The following RNPS1 variants were observed in gnomAD, a reference collection of about 807,000 sequenced individuals.
The protein encoded by RNPS1 is RNA-binding protein with serine-rich domain 1.
For missense variants in RNPS1, 300 were observed against 427.6 expected, an observed-to-expected ratio of 0.70 and a Z score of 2.63; for synonymous variants, 147 against 150.0, an observed-to-expected ratio of 0.98 and a Z score of 0.15.
chr16:2,264,876 G>GT (rs2093618788), intron 1 of RNPS1, 116 bp from the exon 2 acceptor site: 1 of 783,872 alleles, frequency 1.3e-6, no homozygotes, highest in Non-Finnish European at 1.9e-6. Context: ...TAAGCAATAA[G>GT]TGTCCACACA....
At chr16:2,264,929 G>A (rs1009857463) in intron 1 of RNPS1, 169 bp from the exon 2 acceptor site, 18 of 383,786 alleles carry the variant, frequency 4.7e-5, no homozygotes, top group East Asian at 1.0e-4. Flanking sequence ...TCCTGGAGGC[G>A]TCTCTACCCC....
Position 2,263,139 on chromosome 16 carries a change from G to C in RNPS1, c.376C>G (p.Pro126Ala). Residue 126 changes from proline to alanine, a missense_variant, in exon 4 of 8, where the codon CCT (proline) becomes GCT (alanine). By Grantham distance (27) the Pro-to-Ala change is conservative. Transcript: ENST00000320225. ...SSSSSSGSPS[P>A]SRRRHDNRRR... ...CTGTTGTCGTGTCTGCGCCGAGAAG[G>C]ACTTGGAGAGCCAGAAGAGCTGCTA... is the stretch of plus-strand genomic sequence containing the variant. 1.9e-6 allele frequency: 3 copies of C among 1,613,564 alleles called. No homozygotes were observed. Among genetic ancestry groups the C allele is most frequent in the Non-Finnish European group, 1.7e-6 (2 of 1,179,850 alleles).
rs2093605402 is a variant in RNPS1 at position 2,262,117 on chromosome 16, A to G, written c.676+161T>C. On this transcript the variant is annotated intron_variant, in intron 6 of 7. Coordinates refer to ENST00000320225, the MANE Select transcript of RNPS1 (RefSeq NM_080594.4). The stretch of plus-strand genomic sequence containing the variant: ...TGGGCCATGAGAAATAGCAGCCCAA[A>G]CCTCAGTTTGGTCCAGGAACTGCAC... 1.5e-5 allele frequency: 9 copies of G among 587,488 alleles called. No individual in the cohort carries two copies. The South Asian group carries it at 2.6e-4, about 17-fold the overall frequency. The allele number at this position is 587,488 out of a possible 1,614,324, so 36.4% of individuals were successfully genotyped here. A position where few individuals can be genotyped will look rare whatever the true frequency, so the allele number is the denominator to read the frequency against.
chr16:2,257,195 C>T (rs927501966), intron 6 of RNPS1: 1 of 152,172 alleles, frequency 6.6e-6, no homozygotes, highest in Non-Finnish European at 1.5e-5. Context: ...GGAGCATGCA[C>T]CCCGACCTCA....
Position 2,255,665 on chromosome 16 carries a change from G to T in RNPS1, c.738C>A (p.Pro246=). 1 of 1,613,386 alleles carries T rather than the reference G, an allele frequency of 6.2e-7. No individual in the cohort carries two copies. The highest frequency in any genetic ancestry group is 1.7e-4 in the Middle Eastern group (1 of 6,028). ...TAVLAPWPRP[P]PRRFSPPRRM... ...TCCTGGGAGGGCTGAATCTCCTGGG[G>T]GGTGGCCTAGGCCAGGGGGCCAGCA... The change falls in exon 7 of 8, where the codon CCC becomes CCA. Residue 246 remains proline (P), a synonymous_variant. Coordinates refer to ENST00000320225, the MANE Select transcript of RNPS1 (RefSeq NM_080594.4).
At chr16:2,266,727 T>A in intron 1 of RNPS1, 11 of 985,218 alleles carry the variant, frequency 1.1e-5, no homozygotes, top group Non-Finnish European at 1.3e-5. Context: ...AGAAACCGTG[T>A]GAGGAGCCAC....
intron 6 of RNPS1, chr16:2,257,593 C>G (rs2093584585): frequency 6.6e-6 from 1 of 152,142 alleles, no homozygotes; most frequent in Non-Finnish European, 1.5e-5. Flanking sequence ...CACGCCCACC[C>G]AGAAGGTACC....
intron 7 of RNPS1, among the ~76,000 whole-genome samples, chr16:2,254,671 T>G (rs1427401021): frequency 6.6e-6 from 1 of 151,726 alleles, no homozygotes; most frequent in Admixed American, 6.6e-5. Flanking sequence ...GACCTTGTGA[T>G]CCACCCACCT....
chr16:2,255,446 T>A, intron 7 of RNPS1, 139 bp downstream of exon 7: 1 of 984,096 alleles, frequency 1.0e-6, no homozygotes, highest in Non-Finnish European at 1.5e-6. Context: ...GCTCTCTCCA[T>A]GAGCTCTGAA....
At chr16:2,257,078 T>C (rs527553941) in intron 6 of RNPS1, 6 of 152,204 alleles carry the variant, frequency 3.9e-5, no homozygotes, top group East Asian at 1.9e-4. Flanking sequence ...TGCATGTAGA[T>C]GGCACTGAAA....
chr16:2,254,904 G>A (rs2093570713), intron 7 of RNPS1, among the ~76,000 whole-genome samples: 1 of 151,354 alleles, frequency 6.6e-6, no homozygotes, highest in Non-Finnish European at 1.5e-5. Flanking sequence ...ACCACGCCCG[G>A]CTAATTTTTT....
At chr16:2,255,960 C>T (rs1027086339) in intron 6 of RNPS1, 8 of 511,142 alleles carry the variant, frequency 1.6e-5, no homozygotes, top group Non-Finnish European at 2.8e-5. Flanking sequence ...AATGTCTCTA[C>T]TAAAAAGACA....
intron 5 of RNPS1, 36 bp from the exon 6 acceptor site, chr16:2,262,467 A>C: frequency 6.2e-7 from 1 of 1,612,116 alleles, no homozygotes; most frequent in Non-Finnish European, 8.5e-7. Flanking sequence ...ACGCCCAGCT[A>C]CCAGTCAGTC....
intron 6 of RNPS1, among the ~76,000 whole-genome samples, chr16:2,260,420 C>T (rs1393408751): frequency 2.0e-5 from 3 of 151,972 alleles, no homozygotes; most frequent in African/African-American, 4.8e-5. Flanking sequence ...TCTATTTGTA[C>T]GTATTCTTAA....
chr16:2,266,152 T>TTG (rs2093624259), intron 1 of RNPS1: 1 of 985,258 alleles, frequency 1.0e-6, no homozygotes, highest in Admixed American at 6.2e-5. Flanking sequence ...AGCACACCAA[T>TTG]GTGGTCCTGG....
At position 2,255,742 on chromosome 16, in the gene RNPS1, G is replaced by C. The variant is rs2093575279; in HGVS notation, c.677-16C>G. On this transcript the variant is annotated splice_polypyrimidine_tract_variant and intron_variant, in intron 6 of 7. Coordinates refer to ENST00000320225, the MANE Select transcript of RNPS1 (RefSeq NM_080594.4). The stretch of plus-strand genomic sequence containing the variant: ...TCAATTTGTCCTGTTGAAAAAGACA[G>C]CAAGTCATAAAATATCTAACAAGCA... 6.2e-7 allele frequency: 1 copy of C among 1,612,914 alleles called. No individual in the cohort carries two copies.
In RNPS1 at chr16:2,253,883, T is replaced by C; in HGVS notation, c.*81A>G. 1 of 1,264,254 alleles carries C rather than the reference T, an allele frequency of 7.9e-7. No individual in the cohort carries two copies. The allele number at this position is 1,264,254 out of a possible 1,614,324, so 78.3% of individuals were successfully genotyped here. On this transcript the variant is annotated 3_prime_UTR_variant, in exon 8 of 8. Coordinates refer to ENST00000320225, the MANE Select transcript of RNPS1 (RefSeq NM_080594.4). ...CAGAGTCAAGGGTTTGCTTTCCTAC[T>C]GGTCTTCCTTTGGCTAGAAAAGTGA...
At chr16:2,259,551 A>T (rs2093593417) in intron 6 of RNPS1, among the ~76,000 whole-genome samples, 2 of 152,208 alleles carry the variant, frequency 1.3e-5, no homozygotes, top group African/African-American at 4.8e-5. Flanking sequence ...ATAACTTTGC[A>T]GATTGTGACA....
At chr16:2,267,894 C>T in intron 1 of RNPS1, 161 bp downstream of exon 1, 1 of 1,527,034 alleles carries the variant, frequency 6.5e-7, no homozygotes, top group Non-Finnish European at 8.7e-7. Flanking sequence ...TCCCACTCCG[C>T]CCGCCCCGGG....
Sources: gnomAD v4.1 joint callset for allele counts (sites outside exome capture counted in the v4.1 genomes callset) on GRCh38, gnomAD v4.1.1 for gene constraint, MANE v1.5 for transcripts, NCBI Gene and HGNC (gene_info 2026-07-23, HGNC 2026-07-21) for gene names.